Variants in SLA2 observed in about 807,000 individuals in gnomAD.
The protein encoded by SLA2 is src-like-adapter 2.
SLA2 carries 22 observed loss-of-function variants against 27.3 expected under a neutral mutation model. The ratio of observed to expected loss-of-function variants is 0.81; its 90% CI spans 0.58 to 1.15. The LOEUF is 1.15. Ranked by LOEUF, SLA2 falls within the 50% of genes most tolerant of loss-of-function variation. The probability of loss-of-function intolerance (pLI) is 0.00; values close to 1 mark genes in which losing one functional copy is unlikely to be tolerated. For missense variants in SLA2, 304 were observed against 322.2 expected (o/e 0.94, Z 0.43); for synonymous variants, 131 against 137.8 (o/e 0.95, Z 0.34).
intron 5 of SLA2, among the ~76,000 whole-genome samples, chr20:36,630,167 C>T (rs1366644864): frequency 4.6e-5 from 7 of 152,138 alleles, no homozygotes; most frequent in Non-Finnish European, 4.4e-5. Context: ...TGCTCCACTC[C>T]GCAACGCTGC....
chr20:36,643,286 C>T (rs542420051), intron 1 of SLA2, among the ~76,000 whole-genome samples: 15 of 152,256 alleles, frequency 9.9e-5, no homozygotes, highest in South Asian at 2.1e-4. Context: ...GAGTGGGAGG[C>T]GGAGCTTTGT....
chr20:36,621,394 A>G lies in SLA2; in HGVS notation c.383-6020T>C, dbSNP rs1251611966. 9 of 580,214 alleles carry G rather than the reference A, an allele frequency of 1.6e-5. 1 individual carries two copies. Among genetic ancestry groups the G allele is most frequent in the African/African-American group, 9.4e-5 (5 of 52,930 alleles). The allele number at this position is 580,214 out of a possible 1,614,324, so 35.9% of individuals were successfully genotyped here. On this transcript the variant is annotated intron_variant, in intron 5 of 7. Transcript: ENST00000262866. ...TGGTGCTTATGGATGTGGTGGTGTA[A>G]GTGGTAGATATAGTAGCAGAAGGTT... is the stretch of plus-strand genomic sequence containing the variant.
At chr20:36,614,839 C>G in intron 6 of SLA2, 1 of 985,446 alleles carries the variant, frequency 1.0e-6, no homozygotes, top group Non-Finnish European at 1.2e-6. Context: ...TGCCCAGTGA[C>G]TGCATCTTCC....
intron 5 of SLA2, 105 bp from the exon 6 acceptor site, chr20:36,615,479 A>C (rs1274275623): frequency 7.7e-7 from 1 of 1,304,956 alleles, no homozygotes; most frequent in East Asian, 2.4e-5. Flanking sequence ...GCCCCGGCAG[A>C]AGGGAAGTGT....
At chr20:36,626,084 G>GCCAAACCCTGTTTCTACT (rs1972115812) in intron 5 of SLA2, among the ~76,000 whole-genome samples, 1 of 151,844 alleles carries the variant, frequency 6.6e-6, no homozygotes. Context: ...GGGCAACATG[G>GCCAAACCCTGTTTCTACT]CAAAACCCTG....
At chr20:36,630,146 C>T (rs2039379312) in intron 5 of SLA2, among the ~76,000 whole-genome samples, 1 of 152,162 alleles carries the variant, frequency 6.6e-6, no homozygotes, top group Non-Finnish European at 1.5e-5. Flanking sequence ...GGACAGTCTG[C>T]AGTGGGGCCC....
chr20:36,616,157 A>T (rs928969535), intron 5 of SLA2, among the ~76,000 whole-genome samples: 2 of 152,172 alleles, frequency 1.3e-5, no homozygotes, highest in Non-Finnish European at 2.9e-5. Flanking sequence ...ACAGTGAAGC[A>T]TGAGAGGGGG....
chr20:36,626,948 A>C (rs948729470), intron 5 of SLA2, among the ~76,000 whole-genome samples: 114 of 148,068 alleles, frequency 7.7e-4, no homozygotes, highest in African/African-American at 2.9e-3. Context: ...TTGACATAGT[A>C]TGGGAAGGCG....
At chr20:36,634,616 C>G in intron 2 of SLA2, 27 bp from the exon 3 acceptor site, 2 of 1,482,280 alleles carry the variant, frequency 1.3e-6, no homozygotes, top group Non-Finnish European at 1.9e-6. Context: ...AAATAGTCAC[C>G]TACTTAGCTA....
In SLA2 at chr20:36,634,525, C is replaced by T. The variant is rs372613643; in HGVS notation, c.156G>A (p.Ser52=). The stretch of plus-strand genomic sequence containing the variant: ...TGGTCAATGGCTCCCCGAGTCTCAG[C>T]GACAGCTCGGCCGGGCCACCTGCCG... ...SFPAGGPAEL[S]LRLGEPLTIV... Residue 52 remains serine (S), a synonymous_variant, in exon 3 of 8, where the codon TCG becomes TCA. Coordinates refer to ENST00000262866, the MANE Select transcript of SLA2 (RefSeq NM_032214.4). 5.6e-6 allele frequency: 9 copies of T among 1,611,318 alleles called. No homozygotes were observed. The highest frequency in any genetic ancestry group is 2.7e-5 in the African/African-American group (2 of 74,902).
At chr20:36,622,270 A>G (rs693361) in intron 5 of SLA2, among the ~76,000 whole-genome samples, 139,462 of 149,886 alleles carry the variant, frequency 0.93, 65,104 homozygotes, top group African/African-American at 0.98. Flanking sequence ...CCAGCTACTC[A>G]GGAGGCTGAG....
chr20:36,633,747 G>C (rs1350625499), intron 3 of SLA2, 118 bp from the exon 4 acceptor site: 1 of 776,524 alleles, frequency 1.3e-6, no homozygotes, highest in Non-Finnish European at 2.1e-6. Context: ...TGTCCTGCCT[G>C]TTTCCCAGGC....
chr20:36,637,624 CTTTTTTT>C (rs36100264), intron 2 of SLA2, among the ~76,000 whole-genome samples: 1 of 80,944 alleles, frequency 1.2e-5, no homozygotes, highest in African/African-American at 4.8e-5. Context: ...GTGAAGTTTG[CTTTTTTT>C]TTTTTTTTTT....
chr20:36,620,778 C>G (rs1337611860), intron 5 of SLA2: 1 of 169,742 alleles, frequency 5.9e-6, no homozygotes, highest in South Asian at 1.3e-4. Context: ...CCTTGTTGGT[C>G]AGGCTGGTCT....
chr20:36,614,394 G>A lies in SLA2; in HGVS notation c.576C>T (p.Val192=), dbSNP rs1168075788. 6.2e-7 allele frequency: 1 copy of A among 1,613,514 alleles called. No individual in the cohort carries two copies. The highest frequency in any genetic ancestry group is 1.7e-5 in the Admixed American group (1 of 59,878). The change falls in exon 7 of 8, where the codon GTC becomes GTT. Residue 192 remains valine (V), a synonymous_variant. Coordinates refer to ENST00000262866, the MANE Select transcript of SLA2 (RefSeq NM_032214.4). The part of the protein sequence containing the change: ...DICCLLKEPC[V]LQRAGPLPGK... ...CAGGGAGCGGGCCAGCCCTCTGCAG[G>A]ACACAGGGCTCCTTGAGTAGGCAGC...
In SLA2 at chr20:36,615,389, G is replaced by T. The variant is rs1332061631; in HGVS notation, c.383-15C>A. 1 of 1,612,762 alleles carries T rather than the reference G, an allele frequency of 6.2e-7. No homozygotes were observed. The highest frequency in any genetic ancestry group is 8.5e-7 in the Non-Finnish European group (1 of 1,179,972). Reference sequence around the variant, plus strand: ...AGAGTAAGAGCCTGAGGAGAAAGGGGTCCAGGGGTGGCACTGAGGCCCTGC... The same window carrying T: ...AGAGTAAGAGCCTGAGGAGAAAGGGTTCCAGGGGTGGCACTGAGGCCCTGC... On this transcript the variant is annotated splice_polypyrimidine_tract_variant and intron_variant, in intron 5 of 7. Coordinates refer to ENST00000262866, the MANE Select transcript of SLA2 (RefSeq NM_032214.4).
chr20:36,621,132 T>C, intron 5 of SLA2: 1 of 416,194 alleles, frequency 2.4e-6, no homozygotes, highest in Non-Finnish European at 4.7e-6. Flanking sequence ...AGCCTGCTTA[T>C]AGCAGTAGAC....
At chr20:36,636,576 G>T (rs542548147) in intron 2 of SLA2, among the ~76,000 whole-genome samples, 157 of 142,356 alleles carry the variant, frequency 1.1e-3, no homozygotes, top group Non-Finnish European at 1.7e-3. Context: ...TTGCACTCCA[G>T]CCTGGGCAAC....
At chr20:36,645,311 T>G (rs1978287091) in intron 1 of SLA2, among the ~76,000 whole-genome samples, 1 of 151,582 alleles carries the variant, frequency 6.6e-6, no homozygotes, top group East Asian at 1.9e-4. Context: ...AGTCTATAGT[T>G]AGTCATAATT....
Sources: gnomAD v4.1 joint callset for allele counts (sites outside exome capture counted in the v4.1 genomes callset) on GRCh38, gnomAD v4.1.1 for gene constraint, MANE v1.5 for transcripts, NCBI Gene and HGNC (gene_info 2026-07-23, HGNC 2026-07-21) for gene names.